ANKFN1: variants seen among roughly 807,000 people sequenced by gnomAD.
ANKFN1 encodes the protein ankyrin repeat and fibronectin type III domain containing 1.
In ANKFN1, 74 loss-of-function variants were observed where a neutral mutation model predicts 108.7. The observed-to-expected ratio is 0.68, with a 90% CI of 0.56 to 0.83. The LOEUF (loss-of-function observed/expected upper bound fraction) is 0.83. Ranked by LOEUF, ANKFN1 falls within the 40% of genes least tolerant of loss-of-function variation. The probability of loss-of-function intolerance (pLI) is 0.00; values close to 1 mark genes in which losing one functional copy is unlikely to be tolerated. For missense variants in ANKFN1, 1,505 were observed against 1,382.3 expected (o/e 1.09, Z -1.41); for synonymous variants, 547 against 516.2 (o/e 1.06, Z -0.81).
At chr17:56,133,186 G>T (rs1030526483) in intron 4 of ANKFN1, among the ~76,000 whole-genome samples, 1 of 152,178 alleles carries the variant, frequency 6.6e-6, no homozygotes, top group African/African-American at 2.4e-5. Flanking sequence ...GTCATTAGGT[G>T]TATATATCCT....
chr17:56,177,474 G>T (rs1232071400), intron 1 of ANKFN1, among the ~76,000 whole-genome samples: 1 of 152,194 alleles, frequency 6.6e-6, no homozygotes, highest in Admixed American at 6.5e-5. Flanking sequence ...GGAGACTCCT[G>T]TTCCATCTTC....
At chr17:56,493,899 T>G (rs1170599485) in intron 19 of ANKFN1, among the ~76,000 whole-genome samples, 1 of 152,124 alleles carries the variant, frequency 6.6e-6, no homozygotes, top group East Asian at 1.9e-4. Context: ...CAAAGAAATC[T>G]CTCTCAGTCC....
At chr17:56,181,171 C>A (rs978248112) in intron 1 of ANKFN1, among the ~76,000 whole-genome samples, 1 of 152,126 alleles carries the variant, frequency 6.6e-6, no homozygotes, top group Non-Finnish European at 1.5e-5. Flanking sequence ...ATATCTATAG[C>A]ATAACACAGC....
At chr17:56,111,856 A>C (rs1458171631) in intron 4 of ANKFN1, among the ~76,000 whole-genome samples, 1 of 152,244 alleles carries the variant, frequency 6.6e-6, no homozygotes, top group Non-Finnish European at 1.5e-5. Context: ...TCTGAAGAGC[A>C]CTTGAAATCA....
At chr17:56,300,188 T>C (rs1409141155) in intron 3 of ANKFN1, among the ~76,000 whole-genome samples, 1 of 152,204 alleles carries the variant, frequency 6.6e-6, no homozygotes, top group Non-Finnish European at 1.5e-5. Flanking sequence ...GGGAGAAATC[T>C]TATAAACAGG....
At chr17:56,389,097 A>T (rs1352897292) in intron 8 of ANKFN1, among the ~76,000 whole-genome samples, 1 of 152,184 alleles carries the variant, frequency 6.6e-6, no homozygotes, top group East Asian at 1.9e-4. Flanking sequence ...ACTTTTATAG[A>T]GAAACTTGTA....
At chr17:56,074,805 T>A (rs557479412) in intron 4 of ANKFN1, among the ~76,000 whole-genome samples, 1 of 152,204 alleles carries the variant, frequency 6.6e-6, no homozygotes, top group Non-Finnish European at 1.5e-5. Flanking sequence ...AAATCTGTTA[T>A]TGGCAAAGCG....
chr17:56,488,297 G>C (rs1598709381), intron 18 of ANKFN1, among the ~76,000 whole-genome samples: 1 of 152,284 alleles, frequency 6.6e-6, no homozygotes, highest in East Asian at 1.9e-4. Context: ...AGAGAGAGCA[G>C]AGAGATGAGG....
At chr17:56,274,486 T>A (rs1002803001) in intron 3 of ANKFN1, among the ~76,000 whole-genome samples, 25 of 151,984 alleles carry the variant, frequency 1.6e-4, no homozygotes, top group South Asian at 4.2e-4. Flanking sequence ...AAAATAATAA[T>A]AATAATAATT....
At chr17:56,196,021 C>T (rs1289004482) in intron 1 of ANKFN1, among the ~76,000 whole-genome samples, 1 of 152,106 alleles carries the variant, frequency 6.6e-6, no homozygotes, top group Non-Finnish European at 1.5e-5. Flanking sequence ...GGCCTTCTCA[C>T]CTTGGAAGGC....
chr17:56,243,141 T>C (rs915141866), intron 3 of ANKFN1, among the ~76,000 whole-genome samples: 1 of 152,156 alleles, frequency 6.6e-6, no homozygotes, highest in Non-Finnish European at 1.5e-5. Context: ...GTTGTCATTA[T>C]GTTCTTTTTT....
chr17:56,511,134 G>A lies in ANKFN1; in HGVS notation c.3306G>A (p.Gln1102=), dbSNP rs1342706516. The change falls in exon 21 of 21, where the codon CAG becomes CAA. Residue 1102 remains glutamine (Q), a synonymous_variant. Transcript: ENST00000682825. ...VEPYAAAVVA[Q]DEKPWASLSP... ...CCTACGCAGCGGCCGTGGTGGCCCAGGACGAAAAACCATGGGCAAGCTTGA... is the reference window on the plus strand; with the variant it reads ...CCTACGCAGCGGCCGTGGTGGCCCAAGACGAAAAACCATGGGCAAGCTTGA... The A allele has an allele frequency of 1.3e-6, 2 of 1,536,036 alleles. No homozygotes were observed. Among genetic ancestry groups the A allele is most frequent in the East Asian group, 2.4e-5 (1 of 40,890 alleles).
chr17:56,252,684 G>T (rs770003085), intron 3 of ANKFN1, among the ~76,000 whole-genome samples: 15 of 148,938 alleles, frequency 1.0e-4, no homozygotes, highest in Admixed American at 5.4e-4. Flanking sequence ...AGAGTGAGGT[G>T]GGGGGATTGC....
chr17:56,183,674 A>G (rs918080024), intron 1 of ANKFN1, among the ~76,000 whole-genome samples: 4 of 152,126 alleles, frequency 2.6e-5, no homozygotes, highest in South Asian at 2.1e-4. Context: ...TGCTGGTGCC[A>G]TGCTTCCTAT....
chr17:56,488,415 C>T (rs2050924928), intron 18 of ANKFN1, among the ~76,000 whole-genome samples: 1 of 152,114 alleles, frequency 6.6e-6, no homozygotes, highest in South Asian at 2.1e-4. Context: ...GATAATGTTA[C>T]CGTCTACTGA....
intron 8 of ANKFN1, among the ~76,000 whole-genome samples, chr17:56,412,412 TG>T (rs1168829712): frequency 6.6e-6 from 1 of 152,202 alleles, no homozygotes; most frequent in Admixed American, 6.5e-5. Context: ...GTATTGTTCC[TG>T]GGCGTGTCTG....
At chr17:56,356,947 C>G (rs2046392698) in intron 6 of ANKFN1, among the ~76,000 whole-genome samples, 1 of 152,196 alleles carries the variant, frequency 6.6e-6, no homozygotes, top group Non-Finnish European at 1.5e-5. Context: ...AACAGTAAGA[C>G]TCCCTACCTC....
At chr17:56,148,852 G>A (rs1447839864), upstream of ANKFN1, among the ~76,000 whole-genome samples, 8 of 152,176 alleles carry the variant, frequency 5.3e-5, no homozygotes, top group African/African-American at 1.9e-4. Flanking sequence ...TTTGTGGAGA[G>A]TAATGTTAAT....
intron 8 of ANKFN1, among the ~76,000 whole-genome samples, chr17:56,405,283 A>G (rs1448768499): frequency 6.6e-6 from 1 of 152,188 alleles, no homozygotes; most frequent in Non-Finnish European, 1.5e-5. Flanking sequence ...GCATATAAAA[A>G]GATGTTCAAA....
Sources: gnomAD v4.1 joint callset for allele counts (sites outside exome capture counted in the v4.1 genomes callset) on GRCh38, gnomAD v4.1.1 for gene constraint, MANE v1.5 for transcripts, NCBI Gene and HGNC (gene_info 2026-07-23, HGNC 2026-07-21) for gene names.